Variants in RSL24D1 observed in about 807,000 individuals in gnomAD.
RSL24D1 encodes the protein ribosomal L24 domain containing 1, also known as probable ribosome biogenesis protein RLP24.
RSL24D1 carries 6 observed loss-of-function variants against 26.2 expected under a neutral mutation model. The ratio of observed to expected loss-of-function variants is 0.23; its 90% CI spans 0.13 to 0.45. RSL24D1 has a LOEUF of 0.45. Among genes scored for constraint, RSL24D1 ranks in the 20% least tolerant of loss-of-function variants. The probability of loss-of-function intolerance (pLI) is 0.99; values close to 1 mark genes in which losing one functional copy is unlikely to be tolerated. For missense variants in RSL24D1, 176 were observed against 202.6 expected, an observed-to-expected ratio of 0.87 and a Z score of 0.80; for synonymous variants, 61 against 59.1, an observed-to-expected ratio of 1.03 and a Z score of -0.15.
At chr15:55,189,228 C>T (rs1016526658) in intron 3 of RSL24D1, among the ~76,000 whole-genome samples, 23 of 150,754 alleles carry the variant, frequency 1.5e-4, no homozygotes, top group Non-Finnish European at 3.1e-4. Flanking sequence ...TGCTTCAGGA[C>T]TTTCCAATAA....
At chr15:55,185,514 G>A (rs1894215345) in intron 3 of RSL24D1, 89 bp from the exon 4 acceptor site, 3 of 885,990 alleles carry the variant, frequency 3.4e-6, no homozygotes, top group Non-Finnish European at 5.2e-6. Context: ...TTATTATTCT[G>A]ATTTAGAAAT....
At chr15:55,192,651 G>T (rs776049286) in intron 2 of RSL24D1, 69 bp downstream of exon 2, 2 of 1,055,720 alleles carry the variant, frequency 1.9e-6, no homozygotes, top group East Asian at 4.7e-5. Context: ...TTGATTAGAT[G>T]ACATATACCC....
intron 1 of RSL24D1, chr15:55,194,474 G>A (rs1370698785): frequency 6.6e-6 from 1 of 152,052 alleles, no homozygotes; most frequent in Non-Finnish European, 1.5e-5. Context: ...TATGTGTCAG[G>A]CAAAGCTTTA....
At chr15:55,193,296 G>C (rs8042411) in intron 1 of RSL24D1, among the ~76,000 whole-genome samples, 1 of 151,946 alleles carries the variant, frequency 6.6e-6, no homozygotes, top group African/African-American at 2.4e-5. Flanking sequence ...ATTCGTTTTC[G>C]ACTTACTCAC....
Position 55,183,358 on chromosome 15 carries a change from T to C in RSL24D1, c.375A>G (p.Lys125=), listed in dbSNP as rs572834569. The change falls in exon 5 of 6, where the codon AAA becomes AAG. Residue 125 remains lysine, a synonymous_variant. Coordinates refer to ENST00000260443, the MANE Select transcript of RSL24D1 (RefSeq NM_016304.3). ...TAAGATGGATGTTTTGCTTGACTTC[T>C]TTGATATCCTGAACTTTCTGTAGCT... ...NKELQKVQDI[K]EVKQNIHLIR... 1 of 1,612,066 alleles carries C rather than the reference T, an allele frequency of 6.2e-7. No homozygotes were observed. The highest frequency in any genetic ancestry group is 1.7e-5 in the Admixed American group (1 of 59,910).
rs374949655 is a variant in RSL24D1 at position 55,191,056 on chromosome 15, G to A, written c.196-9C>T. On this transcript the variant is annotated splice_polypyrimidine_tract_variant and intron_variant, in intron 2 of 5. Transcript: ENST00000260443. ...AATTCAAATGAATTATCCTGTAAGA[G>A]GGAACAGAGGAGATAAAAATAAGGT... 1 of 1,557,598 alleles carries A rather than the reference G, an allele frequency of 6.4e-7. No individual in the cohort carries two copies. The highest frequency in any genetic ancestry group is 2.0e-5 in the Admixed American group (1 of 49,330).
chr15:55,184,010 A>C (rs1894198112), intron 4 of RSL24D1, among the ~76,000 whole-genome samples: 1 of 152,256 alleles, frequency 6.6e-6, no homozygotes, highest in Admixed American at 6.5e-5. Flanking sequence ...TTAAAAAACC[A>C]TTGGGTAATT....
chr15:55,182,246 A>G, intron 5 of RSL24D1, 21 bp from the exon 6 acceptor site: 1 of 1,447,482 alleles, frequency 6.9e-7, no homozygotes, highest in Non-Finnish European at 9.7e-7. Context: ...AATAAGTAAA[A>G]AATAAACAAC....
In RSL24D1 at chr15:55,185,418, C is replaced by T. The variant is rs140566622; in HGVS notation, c.276G>A (p.Ala92=). 71 of 1,607,006 alleles carry T rather than the reference C, an allele frequency of 4.4e-5. No individual in the cohort carries two copies. The African/African-American group carries it at 6.0e-4, about 14-fold the overall frequency. The change falls in exon 4 of 6, where the codon GCG becomes GCA. Residue 92 remains alanine, a synonymous_variant. Coordinates refer to ENST00000260443, the MANE Select transcript of RSL24D1 (RefSeq NM_016304.3). Reference sequence around the variant, plus strand: ...GTTTGATTTCTTCAACTCTCTTCATCGCATCAACTACAAAAAAATTCATGA... The same window carrying T: ...GTTTGATTTCTTCAACTCTCTTCATTGCATCAACTACAAAAAAATTCATGA... The part of the protein sequence containing the change: ...QRELWNKTID[A]MKRVEEIKQK...
intron 1 of RSL24D1, chr15:55,196,336 G>A (rs1894355356): frequency 2.2e-6 from 1 of 456,862 alleles, no homozygotes; most frequent in Non-Finnish European, 4.4e-6. Context: ...TTCCGTACAG[G>A]ACCCTCCCCA....
At chr15:55,196,323 T>C (rs1894355183) in intron 1 of RSL24D1, 1 of 456,528 alleles carries the variant, frequency 2.2e-6, no homozygotes, top group African/African-American at 2.0e-5. Flanking sequence ...CTATGCTGAG[T>C]CTTTCCGTAC....
chr15:55,185,282 A>AT (rs1566885978), intron 4 of RSL24D1, 80 bp downstream of exon 4: 16 of 1,097,278 alleles, frequency 1.5e-5, no homozygotes, highest in South Asian at 1.7e-5. Context: ...AAAATAAAAA[A>AT]TTTTTTTAAA....
chr15:55,183,612 C>T (rs1008942809), intron 4 of RSL24D1, among the ~76,000 whole-genome samples: 1 of 152,160 alleles, frequency 6.6e-6, no homozygotes, highest in Non-Finnish European at 1.5e-5. Flanking sequence ...AACAGAGCCT[C>T]TCAGTCCTCT....
intron 3 of RSL24D1, among the ~76,000 whole-genome samples, chr15:55,187,004 G>T (rs1894231575): frequency 6.6e-6 from 1 of 152,118 alleles, no homozygotes; most frequent in African/African-American, 2.4e-5. Flanking sequence ...CAACTTTTCT[G>T]TAATCTGAAA....
In RSL24D1 at chr15:55,196,923, G is replaced by A. The variant is rs753288018; in HGVS notation, c.-33C>T. 1.8e-5 allele frequency: 29 copies of A among 1,605,434 alleles called. No individual in the cohort carries two copies. The highest frequency in any genetic ancestry group is 4.5e-5 in the East Asian group (2 of 44,842). ...CCGCGTGTAACCCCACCAAACAAACGCCAAGCTTGAGAGGAAGTGATGCAA... is the reference window on the plus strand; with the variant it reads ...CCGCGTGTAACCCCACCAAACAAACACCAAGCTTGAGAGGAAGTGATGCAA... On this transcript the variant is annotated 5_prime_UTR_variant, in exon 1 of 6. Coordinates refer to ENST00000260443, the MANE Select transcript of RSL24D1 (RefSeq NM_016304.3).
chr15:55,188,796 A>C (rs1002197765), intron 3 of RSL24D1, among the ~76,000 whole-genome samples: 1 of 152,228 alleles, frequency 6.6e-6, no homozygotes, highest in Non-Finnish European at 1.5e-5. Flanking sequence ...GCTAAGTAAA[A>C]GTAGTTACAA....
In RSL24D1 at chr15:55,183,296, T is replaced by C. The variant is rs972513851; in HGVS notation, c.418+19A>G. 4.4e-6 allele frequency: 7 copies of C among 1,591,432 alleles called. No homozygotes were observed. The highest frequency in any genetic ancestry group is 6.0e-6 in the Non-Finnish European group (7 of 1,166,364). On this transcript the variant is annotated intron_variant, in intron 5 of 5. Coordinates refer to ENST00000260443, the MANE Select transcript of RSL24D1 (RefSeq NM_016304.3). ...AATACACAGACCACAAAAATCTAGA[T>C]GTGCAATGTAGTACTCACCTGCAAG...
At chr15:55,192,926 T>C in intron 1 of RSL24D1, 93 bp from the exon 2 acceptor site, 2 of 739,072 alleles carry the variant, frequency 2.7e-6, no homozygotes, top group South Asian at 3.4e-5. Context: ...CTTTCCCTTC[T>C]ACTTAAACTG....
At chr15:55,190,030 T>G (rs1346546147) in intron 3 of RSL24D1, among the ~76,000 whole-genome samples, 1 of 151,924 alleles carries the variant, frequency 6.6e-6, no homozygotes, top group Non-Finnish European at 1.5e-5. Flanking sequence ...GGAGGATCAC[T>G]TGAGGTCAGG....
Sources: allele counts gnomAD v4.1 joint callset (sites outside exome capture counted in the v4.1 genomes callset), GRCh38; gene constraint gnomAD v4.1.1; transcripts MANE v1.5; gene names NCBI Gene and HGNC (gene_info 2026-07-23, HGNC 2026-07-21).